Variants in AGBL4 observed in about 807,000 individuals in gnomAD.
The protein encoded by AGBL4 is cytosolic carboxypeptidase 6.
In AGBL4, 58 loss-of-function variants were observed where a neutral mutation model predicts 66.4. The observed-to-expected ratio is 0.87, with a 90% confidence interval of 0.71 to 1.09. The LOEUF is 1.09. Among genes scored for constraint, AGBL4 ranks in the 50% least tolerant of loss-of-function variants. The pLI, the probability that AGBL4 is intolerant of heterozygous loss-of-function variation, is 0.00. For missense variants in AGBL4, 579 were observed against 631.0 expected, an observed-to-expected ratio of 0.92 and a Z score of 0.88; for synonymous variants, 234 against 222.9, an observed-to-expected ratio of 1.05 and a Z score of -0.44.
intron 4 of AGBL4, among the ~76,000 whole-genome samples, chr1:49,074,283 C>A (rs1644668242): frequency 6.6e-6 from 1 of 152,188 alleles, no homozygotes; most frequent in Non-Finnish European, 1.5e-5. Flanking sequence ...TACCATTCCT[C>A]CCAGTACAGT....
rs560409703 is a variant in AGBL4 at position 49,415,796 on chromosome 1, T to C, written c.283-169932A>G. Among the ~76,000 whole-genome samples, 32 of 152,222 alleles carry C rather than the reference T, an allele frequency of 2.1e-4. 1 individual carries two copies. The South Asian group carries it at 6.6e-3, about 32-fold the overall frequency. On this transcript the variant is annotated intron_variant, in intron 3 of 13. Coordinates refer to ENST00000371839, the MANE Select transcript of AGBL4 (RefSeq NM_032785.4). ...TACTTCTTTTTAGCAGGTTAAAGTATTGAGGCTTAGAGAAAGAAGTTAAGT... is the reference window on the plus strand; with the variant it reads ...TACTTCTTTTTAGCAGGTTAAAGTACTGAGGCTTAGAGAAAGAAGTTAAGT...
intron 6 of AGBL4, among the ~76,000 whole-genome samples, chr1:48,732,491 T>C (rs1648299891): frequency 6.6e-6 from 1 of 151,112 alleles, no homozygotes; most frequent in African/African-American, 2.5e-5. Flanking sequence ...AAAAAGTAAA[T>C]AGGAAATGCT....
In AGBL4 at chr1:48,628,275, A is replaced by G. The variant is rs568026405; in HGVS notation, c.951+6218T>C. Among the ~76,000 whole-genome samples, 9 of 152,320 alleles carry G rather than the reference A, an allele frequency of 5.9e-5. No individual in the cohort carries two copies. The East Asian group carries it at 1.4e-3, about 23-fold the overall frequency. Reference sequence around the variant, plus strand: ...GGATTTAAATTTTAGAATGACTCCAAGATTTCTAGATTGAAGAATTGAGTG... The same window carrying G: ...GGATTTAAATTTTAGAATGACTCCAGGATTTCTAGATTGAAGAATTGAGTG... On this transcript the variant is annotated intron_variant, in intron 9 of 13. Transcript: ENST00000371839.
chr1:48,966,562 C>T (rs538823146), intron 5 of AGBL4, among the ~76,000 whole-genome samples: 1 of 152,192 alleles, frequency 6.6e-6, no homozygotes, highest in African/African-American at 2.4e-5. Flanking sequence ...AAAGAATATA[C>T]CCATTTTATT....
chr1:49,382,076 G>C (rs1254980713), intron 3 of AGBL4, among the ~76,000 whole-genome samples: 1 of 151,998 alleles, frequency 6.6e-6, no homozygotes, highest in Admixed American at 6.6e-5. Context: ...CAGTATTCAG[G>C]CTGATCCACA....
intron 2 of AGBL4, among the ~76,000 whole-genome samples, chr1:49,781,496 A>G (rs1201362186): frequency 2.6e-5 from 4 of 152,188 alleles, no homozygotes; most frequent in African/African-American, 9.6e-5. Context: ...AAAATATATG[A>G]AGCAAAACAT....
intron 1 of AGBL4, among the ~76,000 whole-genome samples, chr1:49,975,391 G>A (rs1165257347): frequency 1.3e-5 from 2 of 152,166 alleles, no homozygotes; most frequent in African/African-American, 4.8e-5. Flanking sequence ...CATAAATGGT[G>A]TAAATTCAAG....
chr1:48,602,691 A>T (rs1645091215), intron 9 of AGBL4, among the ~76,000 whole-genome samples: 1 of 152,238 alleles, frequency 6.6e-6, no homozygotes, highest in African/African-American at 2.4e-5. Flanking sequence ...AATGGTTCCT[A>T]TCTGCTTTAT....
intron 6 of AGBL4, chr1:48,727,990 G>T: frequency 6.2e-7 from 1 of 1,612,156 alleles, no homozygotes; most frequent in South Asian, 1.1e-5. Flanking sequence ...GAGAGTCTCT[G>T]TGCAATTTCA....
chr1:49,272,249 T>G (rs550894254), intron 3 of AGBL4, among the ~76,000 whole-genome samples: 1 of 152,164 alleles, frequency 6.6e-6, no homozygotes, highest in Non-Finnish European at 1.5e-5. Flanking sequence ...TCCTTGATTT[T>G]AAAAAATCTA....
rs1036232192 is a variant in AGBL4, at chr1:49,841,324, A to G, written c.157+10072T>C. ...TGGTTAACTGAGGCAACTACAAAAC[A>G]CTGCTGAAAGAAATCAGAGATGACA... On this transcript the variant is annotated intron_variant, in intron 2 of 13. Coordinates refer to ENST00000371839, the MANE Select transcript of AGBL4 (RefSeq NM_032785.4). Among the ~76,000 whole-genome samples, 12 of 152,310 alleles carry G rather than the reference A, an allele frequency of 7.9e-5. No homozygotes were observed. The East Asian group carries it at 2.3e-3, about 29-fold the overall frequency.
chr1:49,798,026 G>A (rs1260015373), intron 2 of AGBL4, among the ~76,000 whole-genome samples: 6 of 152,092 alleles, frequency 3.9e-5, no homozygotes, highest in East Asian at 1.9e-4. Context: ...CTGGGATTAC[G>A]GGCATGAGCC....
intron 4 of AGBL4, among the ~76,000 whole-genome samples, chr1:49,100,911 T>A (rs376692614): frequency 6.6e-6 from 1 of 152,174 alleles, no homozygotes; most frequent in South Asian, 2.1e-4. Context: ...CAGATAAGGA[T>A]GCTGAGGCTT....
At chr1:49,943,467 G>C (rs1654946648) in intron 1 of AGBL4, among the ~76,000 whole-genome samples, 1 of 152,158 alleles carries the variant, frequency 6.6e-6, no homozygotes, top group African/African-American at 2.4e-5. Context: ...TGCCCAAACT[G>C]TAAACGTGTA....
intron 2 of AGBL4, chr1:49,842,325 T>C (rs1248645530): frequency 5.6e-6 from 3 of 537,714 alleles, no homozygotes. Flanking sequence ...ATCACCTCCC[T>C]GCTGGAGCAA....
chr1:49,125,463 C>T (rs1235624655), intron 4 of AGBL4, among the ~76,000 whole-genome samples: 1 of 152,206 alleles, frequency 6.6e-6, no homozygotes, highest in South Asian at 2.1e-4. Context: ...TCTATCATAA[C>T]TGGCTGCTTC....
intron 5 of AGBL4, among the ~76,000 whole-genome samples, chr1:49,022,085 A>G (rs1663293042): frequency 6.6e-6 from 1 of 152,190 alleles, no homozygotes; most frequent in East Asian, 1.9e-4. Context: ...TGAAAAAGAG[A>G]AGGCTGATTC....
At chr1:49,276,965 C>G (rs1233817280) in intron 3 of AGBL4, among the ~76,000 whole-genome samples, 1 of 151,888 alleles carries the variant, frequency 6.6e-6, no homozygotes, top group Non-Finnish European at 1.5e-5. Context: ...CCCTTGGTCC[C>G]TACGTTATTT....
chr1:49,478,643 T>C (rs376236236), intron 3 of AGBL4, among the ~76,000 whole-genome samples: 2 of 151,944 alleles, frequency 1.3e-5, no homozygotes, highest in South Asian at 4.1e-4. Context: ...TAAAAAATCA[T>C]CAGAAGGTAC....
Sources: allele counts gnomAD v4.1 joint callset (sites outside exome capture counted in the v4.1 genomes callset), GRCh38; gene constraint gnomAD v4.1.1; transcripts MANE v1.5; gene names NCBI Gene and HGNC (gene_info 2026-07-23, HGNC 2026-07-21).